Variants in C8orf88 observed in about 807,000 individuals in gnomAD.
C8orf88 encodes the protein chromosome 8 open reading frame 88.
A neutral mutation model predicts 18.4 loss-of-function variants in C8orf88; 14 were observed. That is an observed-to-expected ratio of 0.76 (90% CI 0.50 to 1.19). The LOEUF is 1.19. Among genes scored for constraint, C8orf88 ranks in the 50% most tolerant of loss-of-function variants. The pLI is 0.00. For missense variants in C8orf88, 116 were observed against 134.7 expected, an observed-to-expected ratio of 0.86 and a Z score of 0.69; for synonymous variants, 45 against 42.9, an observed-to-expected ratio of 1.05 and a Z score of -0.19.
At chr8:90,960,327 T>C (rs1811107364) in intron 5 of C8orf88, among the ~76,000 whole-genome samples, 1 of 151,498 alleles carries the variant, frequency 6.6e-6, no homozygotes, top group African/African-American at 2.4e-5. Flanking sequence ...AGACCATGCA[T>C]ACATTGCCAC....
Position 90,960,033 on chromosome 8 carries a change from A to AGG in C8orf88, c.330+708_330+709insCC, listed in dbSNP as rs1468351652. ...GCAAAACTTATCATCCTTATCAGCA[A>AGG]TTCAATGAGGTTAAGTGACTTGTCC... On this transcript the variant is annotated intron_variant, in intron 5 of 5. Coordinates refer to ENST00000517562, the MANE Select transcript of C8orf88 (RefSeq NM_001190972.2). Among the ~76,000 whole-genome samples the AGG allele has an allele frequency of 3.0e-3, 449 of 151,528 alleles. 1 individual carries two copies. Among genetic ancestry groups the AGG allele is most frequent in the African/African-American group, 6.6e-3 (275 of 41,480 alleles).
chr8:90,979,123 T>C (rs184850465), intron 2 of C8orf88, among the ~76,000 whole-genome samples: 2 of 152,326 alleles, frequency 1.3e-5, no homozygotes, highest in African/African-American at 2.4e-5. Context: ...TCTGATTTAC[T>C]AGACTTTTCT....
chr8:90,982,392 T>C (rs564040728), intron 1 of C8orf88, among the ~76,000 whole-genome samples: 1 of 152,294 alleles, frequency 6.6e-6, no homozygotes, highest in South Asian at 2.1e-4. Flanking sequence ...AATACTAGTA[T>C]GTAGTAACTT....
chr8:90,978,551 T>C, intron 3 of C8orf88, 28 bp downstream of exon 3: 1 of 1,386,266 alleles, frequency 7.2e-7, no homozygotes, highest in Non-Finnish European at 9.8e-7. Flanking sequence ...CTATAATATT[T>C]CCTTCTGTTA....
At chr8:90,968,748 T>C (rs1811242051) in intron 4 of C8orf88, among the ~76,000 whole-genome samples, 1 of 144,784 alleles carries the variant, frequency 6.9e-6, no homozygotes, top group African/African-American at 2.5e-5. Context: ...AAGAGTCTAA[T>C]ATCCAGAAGT....
At chr8:90,979,745 C>G (rs960650775) in intron 2 of C8orf88, among the ~76,000 whole-genome samples, 1 of 152,106 alleles carries the variant, frequency 6.6e-6, no homozygotes, top group Non-Finnish European at 1.5e-5. Flanking sequence ...AAGTAATGAA[C>G]AGAATTAAAA....
At position 90,959,114 on chromosome 8, in the gene C8orf88, CG is replaced by C. The variant is rs1277981680; in HGVS notation, c.331-85del. The stretch of plus-strand genomic sequence containing the variant: ...AGTTTATCAAACCAAATACTGTGAA[CG>C]TACCAGGTGTTTACAGATTTAAATG... On this transcript the variant is annotated intron_variant, in intron 5 of 5. Transcript: ENST00000517562. 6.5e-6 allele frequency: 4 copies of C among 612,172 alleles called. No individual in the cohort carries two copies. The African/African-American group carries it at 7.8e-5, about 12-fold the overall frequency. The allele number at this position is 612,172 out of a possible 1,614,324, so 37.9% of individuals were successfully genotyped here.
At chr8:90,976,815 A>C (rs903506783) in intron 3 of C8orf88, among the ~76,000 whole-genome samples, 1 of 152,110 alleles carries the variant, frequency 6.6e-6, no homozygotes, top group Non-Finnish European at 1.5e-5. Context: ...CTTGAGGTAG[A>C]CTACACACCT....
chr8:90,967,093 A>G (rs1032507597), intron 4 of C8orf88, among the ~76,000 whole-genome samples: 4 of 151,874 alleles, frequency 2.6e-5, no homozygotes, highest in Non-Finnish European at 5.9e-5. Context: ...AACATTGAAA[A>G]AAGAAACAGT....
intron 1 of C8orf88, among the ~76,000 whole-genome samples, chr8:90,983,739 G>T (rs987399876): frequency 6.6e-6 from 1 of 152,018 alleles, no homozygotes; most frequent in African/African-American, 2.4e-5. Context: ...CTGAGGCTCA[G>T]AAAAATAAGA....
chr8:90,971,130 A>G lies in C8orf88; in HGVS notation c.159T>C (p.Asn53=). The G allele has an allele frequency of 6.6e-7, 1 of 1,520,856 alleles. No individual in the cohort carries two copies. Among genetic ancestry groups the G allele is most frequent in the Non-Finnish European group, 8.8e-7 (1 of 1,137,968 alleles). The allele number at this position is 1,520,856 out of a possible 1,614,324, so 94.2% of individuals were successfully genotyped here. A position where few individuals can be genotyped will look rare whatever the true frequency, so the allele number is the denominator to read the frequency against. Residue 53 remains asparagine, a synonymous_variant, in exon 4 of 6, where the codon AAT becomes AAC. Coordinates refer to ENST00000517562, the MANE Select transcript of C8orf88 (RefSeq NM_001190972.2). ...IQSGVSRCKT[N]GMQAFSQGLN... Reference sequence around the variant, plus strand: ...GACCTTGAGAAAAGGCTTGCATTCCATTCGTCTTACACTGTTAAACATGAA... The same window carrying G: ...GACCTTGAGAAAAGGCTTGCATTCCGTTCGTCTTACACTGTTAAACATGAA...
intron 4 of C8orf88, among the ~76,000 whole-genome samples, chr8:90,967,598 C>G (rs1270771279): frequency 2.0e-5 from 3 of 151,642 alleles, no homozygotes; most frequent in Non-Finnish European, 4.4e-5. Context: ...TTCTTACTTG[C>G]TATAGGTTTG....
intron 4 of C8orf88, among the ~76,000 whole-genome samples, chr8:90,962,130 A>G (rs1811136296): frequency 6.6e-6 from 1 of 151,574 alleles, no homozygotes; most frequent in Non-Finnish European, 1.5e-5. Context: ...AAATTAACTT[A>G]CCAAAAATTT....
chr8:90,971,382 A>G (rs1400239632), intron 3 of C8orf88, among the ~76,000 whole-genome samples: 1 of 152,094 alleles, frequency 6.6e-6, no homozygotes, highest in Non-Finnish European at 1.5e-5. Context: ...ATATAAAACT[A>G]AAGATGAATT....
intron 2 of C8orf88, 119 bp from the exon 3 acceptor site, chr8:90,978,771 G>T: frequency 1.9e-6 from 1 of 512,918 alleles, no homozygotes; most frequent in Non-Finnish European, 3.4e-6. Context: ...TGTTCTGATA[G>T]TTCATTTATT....
At chr8:90,970,050 G>A (rs999787558) in intron 4 of C8orf88, among the ~76,000 whole-genome samples, 1 of 151,866 alleles carries the variant, frequency 6.6e-6, no homozygotes, top group African/African-American at 2.4e-5. Flanking sequence ...GTTAACAATA[G>A]ATAACATAGA....
At chr8:90,973,196 G>T (rs2130315209) in intron 3 of C8orf88, among the ~76,000 whole-genome samples, 1 of 152,230 alleles carries the variant, frequency 6.6e-6, no homozygotes, top group East Asian at 1.9e-4. Context: ...TATCGAACTT[G>T]GCTTAGAAAT....
At chr8:90,982,911 A>G (rs1158682656) in intron 1 of C8orf88, among the ~76,000 whole-genome samples, 1 of 152,174 alleles carries the variant, frequency 6.6e-6, no homozygotes, top group Non-Finnish European at 1.5e-5. Context: ...TGTAAAACTG[A>G]GTCACGAGAT....
At chr8:90,984,490 A>G (rs905513064) in intron 1 of C8orf88, among the ~76,000 whole-genome samples, 5 of 152,242 alleles carry the variant, frequency 3.3e-5, no homozygotes, top group Non-Finnish European at 7.3e-5. Context: ...AGGAAAAATT[A>G]AAACGAAAAT....
Sources: gnomAD v4.1 joint callset for allele counts (sites outside exome capture counted in the v4.1 genomes callset) on GRCh38, gnomAD v4.1.1 for gene constraint, MANE v1.5 for transcripts, NCBI Gene and HGNC (gene_info 2026-07-23, HGNC 2026-07-21) for gene names.